BDP1: variants seen among roughly 807,000 people sequenced by gnomAD.
BDP1 encodes transcription factor TFIIIB component B'' homolog.
A neutral mutation model predicts 266.6 loss-of-function variants in BDP1; 169 were observed. The observed-to-expected ratio is 0.63, with a 90% CI of 0.56 to 0.72. The LOEUF is 0.72. Ranked by LOEUF, BDP1 falls within the 30% of genes least tolerant of loss-of-function variation. The pLI is 0.00. For synonymous variants in BDP1, 1,090 were observed against 1,022.4 expected, an observed-to-expected ratio of 1.07 and a Z score of -1.26; for missense variants, 3,015 against 3,053.8, an observed-to-expected ratio of 0.99 and a Z score of 0.30.
intron 9 of BDP1, among the ~76,000 whole-genome samples, 157 bp from the exon 10 acceptor site, chr5:71,489,247 A>G (rs1763444244): frequency 6.6e-6 from 1 of 152,138 alleles, no homozygotes; most frequent in African/African-American, 2.4e-5. Context: ...ATTTTTATAT[A>G]TTATTTAGTC....
chr5:71,467,249 G>C, intron 5 of BDP1, 105 bp from the exon 6 acceptor site: 1 of 910,148 alleles, frequency 1.1e-6, no homozygotes, highest in Non-Finnish European at 1.7e-6. Context: ...TTATGCCTTT[G>C]ATATGATTGC....
At chr5:71,559,104 A>C (rs1743442561) in intron 36 of BDP1, among the ~76,000 whole-genome samples, 1 of 152,134 alleles carries the variant, frequency 6.6e-6, no homozygotes, top group Admixed American at 6.5e-5. Context: ...CAGTGAGCCG[A>C]GATCGCGCCT....
At chr5:71,500,013 C>G (rs992183701) in intron 13 of BDP1, among the ~76,000 whole-genome samples, 1 of 152,158 alleles carries the variant, frequency 6.6e-6, no homozygotes, top group Non-Finnish European at 1.5e-5. Context: ...GTGAAACTGA[C>G]AGTCATAAAT....
chr5:71,501,196 G>A (rs925569349), intron 13 of BDP1, among the ~76,000 whole-genome samples: 1 of 152,110 alleles, frequency 6.6e-6, no homozygotes, highest in African/African-American at 2.4e-5. Flanking sequence ...CATTTATTGA[G>A]ATGGAGTCTC....
intron 25 of BDP1, among the ~76,000 whole-genome samples, chr5:71,525,222 C>T (rs1371329872): frequency 1.3e-5 from 2 of 151,252 alleles, no homozygotes; most frequent in African/African-American, 2.4e-5. Flanking sequence ...CGGGCAGAGG[C>T]GCCCCTCACC....
At chr5:71,458,314 G>T (rs1242011285) in intron 1 of BDP1, among the ~76,000 whole-genome samples, 1 of 151,968 alleles carries the variant, frequency 6.6e-6, no homozygotes, top group South Asian at 2.1e-4. Context: ...TTTGAGGGGG[G>T]TAAGCCTATA....
At position 71,548,669 on chromosome 5, in the gene BDP1, T is replaced by C. The variant is rs1742509701; in HGVS notation, c.6745-13T>C. ...GGCCAACCTGACTCTTTCATTTTAA[T>C]TTTTTATGGCAGTATACACCAACAA... On this transcript the variant is annotated splice_polypyrimidine_tract_variant and intron_variant, in intron 32 of 38. Coordinates refer to ENST00000358731, the MANE Select transcript of BDP1 (RefSeq NM_018429.3). 6.3e-7 allele frequency: 1 copy of C among 1,581,574 alleles called. No individual in the cohort carries two copies. The highest frequency in any genetic ancestry group is 1.1e-5 in the South Asian group (1 of 88,700).
At position 71,483,841 on chromosome 5, in the gene BDP1, G is replaced by C; in HGVS notation, c.1015-1G>C. The C allele has an allele frequency of 5.6e-6, 9 of 1,608,308 alleles. No individual in the cohort carries two copies. The highest frequency in any genetic ancestry group is 7.7e-6 in the Non-Finnish European group (9 of 1,176,138). Reference sequence around the variant, plus strand: ...ACCATAGGGTTTTTTGTTGTTAACAGAATAAATTTAAACGGGAAGAGAAAA... The same window carrying C: ...ACCATAGGGTTTTTTGTTGTTAACACAATAAATTTAAACGGGAAGAGAAAA... On this transcript the variant is annotated splice_acceptor_variant, in intron 7 of 38. Coordinates refer to ENST00000358731, the MANE Select transcript of BDP1 (RefSeq NM_018429.3). LOFTEE classifies it high-confidence loss of function.
In BDP1 at chr5:71,502,606, G is replaced by GA. The variant is rs776381392; in HGVS notation, c.2063dup (p.Asn688LysfsTer30). On this transcript the variant is annotated frameshift_variant, in exon 15 of 39. Coordinates refer to ENST00000358731, the MANE Select transcript of BDP1 (RefSeq NM_018429.3). LOFTEE classifies it high-confidence loss of function. ...ATTTCTTTGTGGTTCTAGTTTGGGT[G>GA]AAAAAAATTGTCTGCAGGAAGGGAG... 1 of 1,588,130 alleles carries GA rather than the reference G, an allele frequency of 6.3e-7. No homozygotes were observed. The highest frequency in any genetic ancestry group is 1.2e-5 in the South Asian group (1 of 86,344).
intron 37 of BDP1, among the ~76,000 whole-genome samples, chr5:71,560,466 A>G (rs1743562447): frequency 2.6e-5 from 4 of 152,210 alleles, no homozygotes; most frequent in South Asian, 2.1e-4. Context: ...AATCTTTAGA[A>G]TATTTTGTAC....
chr5:71,537,464 A>T (rs1561766391), intron 26 of BDP1, among the ~76,000 whole-genome samples: 1 of 152,180 alleles, frequency 6.6e-6, no homozygotes, highest in Non-Finnish European at 1.5e-5. Context: ...TGCATTTGTG[A>T]AATAGTTGAG....
At position 71,564,236 on chromosome 5, in the gene BDP1, C is replaced by T. The variant is rs148087270; in HGVS notation, c.7744-518C>T. On this transcript the variant is annotated intron_variant, in intron 38 of 38. Coordinates refer to ENST00000358731, the MANE Select transcript of BDP1 (RefSeq NM_018429.3). ...CATTCGTGTGCCAATACCATGCTGTCTTAATTTGTTTATAGATTTGTAAGT... is the reference window on the plus strand; with the variant it reads ...CATTCGTGTGCCAATACCATGCTGTTTTAATTTGTTTATAGATTTGTAAGT... 3.5e-3 allele frequency among the ~76,000 whole-genome samples: 536 copies of T among 152,076 alleles called. 9 individuals are homozygous for T. The highest frequency in any genetic ancestry group is 0.012 in the African/African-American group (495 of 41,472).
rs1375607998 is a variant in BDP1 at position 71,545,135 on chromosome 5, T to C, written c.6660T>C (p.Asp2220=). ...CAGGGCCCTGCACACTTGGTTTGGA[T>C]AGGGGTCTTGGTGAAAATTCTGTTG... ...SETGPCTLGL[D]RGLGENSVEE... is the part of the protein sequence containing the mutation. The change falls in exon 32 of 39, where the codon GAT becomes GAC. Residue 2220 remains aspartate (D), a synonymous_variant. Transcript: ENST00000358731. 6.2e-7 allele frequency: 1 copy of C among 1,613,894 alleles called. No individual in the cohort carries two copies. The highest frequency in any genetic ancestry group is 1.7e-5 in the Admixed American group (1 of 59,976).
intron 16 of BDP1, among the ~76,000 whole-genome samples, chr5:71,506,823 A>ACACAC (rs377599570): frequency 1.8e-3 from 250 of 141,798 alleles, no homozygotes; most frequent in African/African-American, 6.1e-3. Context: ...ACACACACAC[A>ACACAC]CCCATATTTT....
chr5:71,472,803 T>C (rs1011362714), intron 7 of BDP1, among the ~76,000 whole-genome samples: 2 of 151,894 alleles, frequency 1.3e-5, no homozygotes, highest in Non-Finnish European at 2.9e-5. Flanking sequence ...CCTGTGAAAC[T>C]ATATGATCCT....
At chr5:71,496,383 A>C (rs1162257746) in intron 12 of BDP1, among the ~76,000 whole-genome samples, 2 of 152,152 alleles carry the variant, frequency 1.3e-5, no homozygotes, top group Non-Finnish European at 2.9e-5. Flanking sequence ...GAAAAGTATA[A>C]AAAGGTATGA....
At chr5:71,469,117 T>G (rs1762082710) in intron 6 of BDP1, among the ~76,000 whole-genome samples, 2 of 152,130 alleles carry the variant, frequency 1.3e-5, no homozygotes, top group Admixed American at 1.3e-4. Context: ...CCTATTCCTA[T>G]TCTCCTGAAG....
chr5:71,549,125 C>G (rs755437623), intron 33 of BDP1, among the ~76,000 whole-genome samples: 46 of 152,172 alleles, frequency 3.0e-4, no homozygotes, highest in Non-Finnish European at 5.0e-4. Context: ...GTAATCCCAT[C>G]TACTTGGGAG....
At chr5:71,562,573 G>C in intron 38 of BDP1, 53 bp downstream of exon 38, 1 of 1,563,010 alleles carries the variant, frequency 6.4e-7, no homozygotes, top group Non-Finnish European at 8.7e-7. Context: ...TTGGATATGA[G>C]ATTCAACTAG....
Sources: gnomAD v4.1 joint callset for allele counts (sites outside exome capture counted in the v4.1 genomes callset) on GRCh38, gnomAD v4.1.1 for gene constraint, MANE v1.5 for transcripts, NCBI Gene and HGNC (gene_info 2026-07-23, HGNC 2026-07-21) for gene names.